RBM34: variants seen among roughly 807,000 people sequenced by gnomAD.
The protein encoded by RBM34 is RNA binding motif protein 34, also known as RNA-binding protein 34.
Under a neutral mutation model 44.6 loss-of-function variants are expected in RBM34, and 39 were observed. That is an observed-to-expected ratio of 0.87 (90% CI 0.68 to 1.14). The LOEUF is 1.14. Among genes scored for constraint, RBM34 ranks in the 50% most tolerant of loss-of-function variants. RBM34 has a pLI of 0.00. For missense variants in RBM34, 572 were observed against 517.9 expected (o/e 1.10, Z -1.01); for synonymous variants, 194 against 184.0 (o/e 1.05, Z -0.44).
chr1:235,143,687 G>A (rs950810513), intron 6 of RBM34, among the ~76,000 whole-genome samples: 5 of 152,064 alleles, frequency 3.3e-5, no homozygotes, highest in African/African-American at 4.8e-5. Flanking sequence ...GCAATTAGCC[G>A]AGATGGTACC....
intron 10 of RBM34, among the ~76,000 whole-genome samples, chr1:235,133,773 G>A (rs1316264002): frequency 6.6e-6 from 1 of 152,200 alleles, no homozygotes; most frequent in East Asian, 1.9e-4. Flanking sequence ...TTTATATAAG[G>A]GACTTCAGCA....
At chr1:235,132,082 A>G in intron 10 of RBM34, 85 bp from the exon 11 acceptor site, 11 of 1,305,822 alleles carry the variant, frequency 8.4e-6, no homozygotes, top group Non-Finnish European at 1.2e-5. Flanking sequence ...AACAGATGAG[A>G]ACGACTTTCA....
intron 3 of RBM34, among the ~76,000 whole-genome samples, chr1:235,159,340 A>T (rs915920117): frequency 6.6e-6 from 1 of 151,986 alleles, no homozygotes; most frequent in African/African-American, 2.4e-5. Context: ...TCATGAGGTC[A>T]AGAGTTCGAG....
intron 6 of RBM34, among the ~76,000 whole-genome samples, chr1:235,146,707 A>G (rs1377921490): frequency 1.3e-5 from 2 of 152,126 alleles, no homozygotes; most frequent in Admixed American, 1.3e-4. Context: ...TGCAACCTTC[A>G]TCTCCTGGGA....
At chr1:235,149,958 C>T (rs1258169239) in intron 5 of RBM34, among the ~76,000 whole-genome samples, 5 of 152,176 alleles carry the variant, frequency 3.3e-5, no homozygotes, top group Non-Finnish European at 7.3e-5. Flanking sequence ...CTCAAAAAAA[C>T]AGTACAAGAC....
intron 6 of RBM34, among the ~76,000 whole-genome samples, chr1:235,142,002 T>G (rs1238017790): frequency 6.6e-6 from 1 of 152,144 alleles, no homozygotes; most frequent in Non-Finnish European, 1.5e-5. Context: ...AGGAGAAGGC[T>G]AAGCTGCTAG....
At chr1:235,132,713 A>T (rs1368503371) in intron 10 of RBM34, among the ~76,000 whole-genome samples, 1 of 152,166 alleles carries the variant, frequency 6.6e-6, no homozygotes, top group African/African-American at 2.4e-5. Flanking sequence ...CCATTACGAG[A>T]TGTTGGACTA....
At chr1:235,153,246 TTG>T (rs1471953725) in intron 4 of RBM34, among the ~76,000 whole-genome samples, 1 of 151,108 alleles carries the variant, frequency 6.6e-6, no homozygotes, top group Admixed American at 6.6e-5. Context: ...TTACTGAAAC[TTG>T]TGAGACTCTG....
chr1:235,139,827 C>T (rs891507236), intron 6 of RBM34, among the ~76,000 whole-genome samples: 4 of 152,192 alleles, frequency 2.6e-5, no homozygotes, highest in African/African-American at 9.6e-5. Flanking sequence ...TCTTCTGGCT[C>T]TACGATGGCC....
At chr1:235,138,012 G>A in intron 7 of RBM34, 72 bp from the exon 8 acceptor site, 1 of 1,536,306 alleles carries the variant, frequency 6.5e-7, no homozygotes, top group Non-Finnish European at 9.0e-7. Context: ...CTATGCTAAA[G>A]TGAAACCAAA....
intron 6 of RBM34, among the ~76,000 whole-genome samples, chr1:235,143,326 C>T (rs896438467): frequency 2.6e-5 from 4 of 152,118 alleles, no homozygotes; most frequent in African/African-American, 4.8e-5. Flanking sequence ...TACAATATAC[C>T]GTAAGATCTG....
intron 5 of RBM34, among the ~76,000 whole-genome samples, chr1:235,148,832 T>A (rs1176947769): frequency 2.2e-4 from 33 of 152,022 alleles, no homozygotes; most frequent in Non-Finnish European, 3.2e-4. Context: ...TCTCCTGACC[T>A]CGTGATCCGC....
At chr1:235,146,290 T>C (rs1001400282) in intron 6 of RBM34, among the ~76,000 whole-genome samples, 1 of 152,136 alleles carries the variant, frequency 6.6e-6, no homozygotes, top group Non-Finnish European at 1.5e-5. Context: ...AAAAACTTTA[T>C]GTCCATCAGT....
intron 5 of RBM34, among the ~76,000 whole-genome samples, chr1:235,150,536 G>C (rs1046170067): frequency 6.6e-6 from 1 of 152,102 alleles, no homozygotes; most frequent in East Asian, 1.9e-4. Context: ...AGGCAAAAAT[G>C]GTACTTTAAG....
chr1:235,145,729 A>T (rs571212579), intron 6 of RBM34, among the ~76,000 whole-genome samples: 2 of 152,200 alleles, frequency 1.3e-5, no homozygotes, highest in Admixed American at 1.3e-4. Flanking sequence ...TATCCTACAG[A>T]TAAGTTTAGC....
intron 6 of RBM34, among the ~76,000 whole-genome samples, chr1:235,140,296 G>A (rs955097695): frequency 3.9e-5 from 6 of 152,208 alleles, no homozygotes; most frequent in African/African-American, 1.2e-4. Context: ...GGAGAGGCGC[G>A]AGTGGGAACC....
rs1389691152 is a variant in RBM34 at position 235,131,553 on chromosome 1, A to C, written c.*160T>G. The stretch of plus-strand genomic sequence containing the variant: ...AAAAAACCTTCAAAGGTAGTATCAC[A>C]ATGTGAATAAACTGAGAATGTGGAA... On this transcript the variant is annotated 3_prime_UTR_variant, in exon 11 of 11. Coordinates refer to ENST00000408888, the MANE Select transcript of RBM34 (RefSeq NM_015014.4). 24 of 818,618 alleles carry C rather than the reference A, an allele frequency of 2.9e-5. No individual in the cohort carries two copies. The highest frequency in any genetic ancestry group is 4.5e-5 in the Non-Finnish European group (24 of 538,808). 50.7% of individuals were successfully genotyped at this position (818,618 alleles called of 1,614,324 possible).
intron 5 of RBM34, 21 bp from the exon 6 acceptor site, chr1:235,148,468 G>A (rs1572157643): frequency 1.3e-6 from 2 of 1,551,272 alleles, no homozygotes; most frequent in Non-Finnish European, 1.7e-6. Context: ...AAAAAAAAAA[G>A]TATTAAAGAC....
intron 2 of RBM34, 114 bp downstream of exon 2, chr1:235,160,779 A>C: frequency 1.3e-6 from 2 of 1,513,954 alleles, no homozygotes; most frequent in Middle Eastern, 1.8e-4. Flanking sequence ...AGGTTACTTA[A>C]AATGAATCCT....
Sources: allele counts gnomAD v4.1 joint callset (sites outside exome capture counted in the v4.1 genomes callset), GRCh38; gene constraint gnomAD v4.1.1; transcripts MANE v1.5; gene names NCBI Gene and HGNC (gene_info 2026-07-23, HGNC 2026-07-21).